The following ARK2N variants were observed in gnomAD, a reference collection of about 807,000 sequenced individuals.
The protein encoded by ARK2N is arkadia (RNF111) N-terminal like PKA signaling regulator 2N, also known as protein ARK2N.
chr18:46,248,697 G>T, the ARK2N span, among the ~76,000 whole-genome samples: 3 of 152,108 alleles, frequency 2.0e-5, no homozygotes, highest in African/African-American at 7.2e-5. Flanking sequence ...CGATTCTCCT[G>T]CCTCAGCATC....
the ARK2N span, among the ~76,000 whole-genome samples, chr18:46,197,682 T>G: frequency 2.8e-4 from 42 of 152,332 alleles, no homozygotes; most frequent in South Asian, 8.3e-3. Flanking sequence ...TGCTCCTGTA[T>G]ATATACCCAA....
At chr18:46,241,390 G>T in the ARK2N span, among the ~76,000 whole-genome samples, 1 of 152,044 alleles carries the variant, frequency 6.6e-6, no homozygotes, top group Non-Finnish European at 1.5e-5. Flanking sequence ...GTCTTTTAAG[G>T]ATTTATTAAT....
At chr18:46,175,861 A>G in the ARK2N span, among the ~76,000 whole-genome samples, 330 of 152,296 alleles carry the variant, frequency 2.2e-3, 2 homozygotes, top group African/African-American at 7.7e-3. Context: ...GGAAAATAGG[A>G]TGGACTGGAT....
At chr18:46,203,361 G>A in the ARK2N span, among the ~76,000 whole-genome samples, 22 of 152,162 alleles carry the variant, frequency 1.4e-4, no homozygotes, top group Non-Finnish European at 2.9e-5. Flanking sequence ...GAGAGACATT[G>A]TTGAACTAAA....
the ARK2N span, among the ~76,000 whole-genome samples, chr18:46,233,909 T>A: frequency 2.4e-4 from 37 of 152,336 alleles, no homozygotes; most frequent in African/African-American, 8.4e-4. Flanking sequence ...TTCGTTTCCA[T>A]GTAGCCCTAT....
chr18:46,220,600 A>G, the ARK2N span, among the ~76,000 whole-genome samples: 1 of 152,198 alleles, frequency 6.6e-6, no homozygotes, highest in Non-Finnish European at 1.5e-5. Context: ...ATATAACAAA[A>G]TTTGTCTGGG....
chr18:46,206,125 T>G, the ARK2N span, among the ~76,000 whole-genome samples: 16 of 149,840 alleles, frequency 1.1e-4, no homozygotes, highest in African/African-American at 3.0e-4. Flanking sequence ...TTGCTCTGTC[T>G]CCTAGGCTGG....
chr18:46,236,826 T>C, the ARK2N span, among the ~76,000 whole-genome samples: 1 of 72,952 alleles, frequency 1.4e-5, no homozygotes, highest in Non-Finnish European at 3.4e-5. Flanking sequence ...AGATAGCAGC[T>C]TCTGTTTTTT....
At chr18:46,185,855 C>T in the ARK2N span, among the ~76,000 whole-genome samples, 2 of 151,794 alleles carry the variant, frequency 1.3e-5, no homozygotes, top group Non-Finnish European at 2.9e-5. Flanking sequence ...GGCTTGCTGG[C>T]TTACACTGGT....
chr18:46,241,427 G>T, the ARK2N span, among the ~76,000 whole-genome samples: 1 of 152,134 alleles, frequency 6.6e-6, no homozygotes, highest in South Asian at 2.1e-4. Flanking sequence ...ACTTTGAAAA[G>T]AAGTAATAAT....
At chr18:46,228,463 T>C in the ARK2N span, among the ~76,000 whole-genome samples, 1 of 152,226 alleles carries the variant, frequency 6.6e-6, no homozygotes, top group Non-Finnish European at 1.5e-5. Context: ...TTATTGCTAG[T>C]ATTGTATTGA....
chr18:46,243,117 A>G, the ARK2N span, among the ~76,000 whole-genome samples: 1,741 of 152,226 alleles, frequency 0.011, 60 homozygotes, highest in East Asian at 0.12. Context: ...CAATACTGGT[A>G]TGTGGGTAAT....
At chr18:46,266,393 T>C in the ARK2N span, 8 of 152,804 alleles carry the variant, frequency 5.2e-5, no homozygotes, top group South Asian at 1.2e-3. Context: ...ATAAAAATGA[T>C]TGTGCCCTAA....
the ARK2N span, among the ~76,000 whole-genome samples, chr18:46,258,498 T>C: frequency 6.6e-6 from 1 of 152,200 alleles, no homozygotes; most frequent in African/African-American, 2.4e-5. Context: ...TCTATTGATA[T>C]TAGTGTATGA....
At chr18:46,204,966 CAG>C in the ARK2N span, among the ~76,000 whole-genome samples, 1 of 147,506 alleles carries the variant, frequency 6.8e-6, no homozygotes, top group South Asian at 2.1e-4. Context: ...TATTTTGAGA[CAG>C]AGTCTTGCCC....
chr18:46,221,300 C>G, the ARK2N span, among the ~76,000 whole-genome samples: 2 of 151,420 alleles, frequency 1.3e-5, no homozygotes, highest in African/African-American at 2.4e-5. Context: ...AATCCCAGCA[C>G]TTTGGGAGGC....
At chr18:46,218,978 A>T in the ARK2N span, 1 of 152,224 alleles carries the variant, frequency 6.6e-6, no homozygotes, top group Admixed American at 6.5e-5. Flanking sequence ...GTAATTCAGA[A>T]AATGCTCTTT....
At chr18:46,184,402 G>A in the ARK2N span, among the ~76,000 whole-genome samples, 2 of 152,100 alleles carry the variant, frequency 1.3e-5, no homozygotes, top group African/African-American at 2.4e-5. Flanking sequence ...GATGACAGGC[G>A]TGAGCTACTG....
chr18:46,210,011 A>T, the ARK2N span, among the ~76,000 whole-genome samples: 3 of 152,190 alleles, frequency 2.0e-5, no homozygotes, highest in Non-Finnish European at 4.4e-5. Context: ...ATAAATCTCA[A>T]CTTGCCTTTA....
Sources: gnomAD v4.1 joint callset for allele counts (sites outside exome capture counted in the v4.1 genomes callset) on GRCh38, gnomAD v4.1.1 for gene constraint, MANE v1.5 for transcripts, NCBI Gene and HGNC (gene_info 2026-07-23, HGNC 2026-07-21) for gene names.